The following RANBP2 variants were observed in gnomAD, a reference collection of about 807,000 sequenced individuals.
The protein encoded by RANBP2 is RAN binding protein 2, also known as E3 SUMO-protein ligase RanBP2.
Under a neutral mutation model 303.6 loss-of-function variants are expected in RANBP2, and 57 were observed. The observed-to-expected ratio is 0.19, with a 90% CI of 0.15 to 0.23. The LOEUF is 0.23. RANBP2 is among the 10% of genes least tolerant of loss of function. The pLI, the probability that RANBP2 is intolerant of heterozygous loss-of-function variation, is 1.00. For synonymous variants in RANBP2, 1,167 were observed against 1,301.5 expected, an observed-to-expected ratio of 0.90 and a Z score of 2.23; for missense variants, 3,138 against 3,780.8, an observed-to-expected ratio of 0.83 and a Z score of 4.46.
chr2:109,170,547 T>C, the RANBP2 span, among the ~76,000 whole-genome samples: 1 of 152,068 alleles, frequency 6.6e-6, no homozygotes, highest in Non-Finnish European at 1.5e-5. Flanking sequence ...GGTTTCACTA[T>C]GTTGGCCAGG....
chr2:108,787,384 A>G (rs1251332192), downstream of RANBP2, among the ~76,000 whole-genome samples: 3 of 152,070 alleles, frequency 2.0e-5, no homozygotes, highest in African/African-American at 7.2e-5. Flanking sequence ...CTACAAACGC[A>G]TTTTTTCCCT....
chr2:109,613,636 G>C, the RANBP2 span: 1 of 423,506 alleles, frequency 2.4e-6, no homozygotes, highest in African/African-American at 2.1e-5. Flanking sequence ...CCCGCCCCAG[G>C]CGCCCGGCCG....
chr2:109,242,627 C>T, the RANBP2 span, among the ~76,000 whole-genome samples: 1 of 152,214 alleles, frequency 6.6e-6, no homozygotes, highest in African/African-American at 2.4e-5. Flanking sequence ...CCTTACTGGG[C>T]TGTGCCTACC....
chr2:109,620,396 G>A, the RANBP2 span, among the ~76,000 whole-genome samples: 1 of 152,168 alleles, frequency 6.6e-6, no homozygotes, highest in African/African-American at 2.4e-5. Context: ...ATTTTCAAGA[G>A]TAAATTTGAT....
chr2:109,090,530 C>G, the RANBP2 span, among the ~76,000 whole-genome samples: 1 of 152,062 alleles, frequency 6.6e-6, no homozygotes, highest in African/African-American at 2.4e-5. Flanking sequence ...GCATCGAGAC[C>G]CTAGGAGACT....
chr2:109,436,436 C>T, the RANBP2 span, among the ~76,000 whole-genome samples: 2 of 152,210 alleles, frequency 1.3e-5, no homozygotes, highest in Admixed American at 6.5e-5. Flanking sequence ...TGTGTGTGCC[C>T]TTTCCCAGCA....
At chr2:109,486,856 G>C in the RANBP2 span, among the ~76,000 whole-genome samples, 1 of 152,204 alleles carries the variant, frequency 6.6e-6, no homozygotes, top group Admixed American at 6.5e-5. Context: ...CACCTTTCTC[G>C]GCAGATCTGT....
chr2:109,612,878 C>G, the RANBP2 span, among the ~76,000 whole-genome samples: 2 of 152,150 alleles, frequency 1.3e-5, no homozygotes, highest in African/African-American at 4.8e-5. Flanking sequence ...TCACTTTGGA[C>G]GGATCCTCTA....
chr2:109,122,506 GA>G, the RANBP2 span, among the ~76,000 whole-genome samples: 4 of 152,186 alleles, frequency 2.6e-5, no homozygotes, highest in African/African-American at 9.7e-5. Flanking sequence ...GGGTAGCAGG[GA>G]TAAGAGAATT....
chr2:108,738,579 G>A (rs1382328481), intron 6 of RANBP2, among the ~76,000 whole-genome samples: 1 of 150,904 alleles, frequency 6.6e-6, no homozygotes, highest in African/African-American at 2.4e-5. Flanking sequence ...AACAAAAAAT[G>A]TAATCCATTA....
chr2:109,644,816 C>T, the RANBP2 span, among the ~76,000 whole-genome samples: 1 of 152,198 alleles, frequency 6.6e-6, no homozygotes, highest in Non-Finnish European at 1.5e-5. Context: ...CCTGCCTCCC[C>T]CCGGCTGCTT....
the RANBP2 span, among the ~76,000 whole-genome samples, chr2:109,676,730 C>G: frequency 5.3e-5 from 8 of 152,306 alleles, no homozygotes; most frequent in East Asian, 1.2e-3. Context: ...TGCCAGATAG[C>G]ACAGTGTGAA....
the RANBP2 span, among the ~76,000 whole-genome samples, chr2:109,435,917 C>T: frequency 6.6e-6 from 1 of 152,172 alleles, no homozygotes; most frequent in Non-Finnish European, 1.5e-5. Flanking sequence ...AAGGAGGACA[C>T]CACCCAGGGT....
At chr2:109,069,799 A>T in the RANBP2 span, among the ~76,000 whole-genome samples, 1 of 152,094 alleles carries the variant, frequency 6.6e-6, no homozygotes, top group Non-Finnish European at 1.5e-5. Context: ...CATTTAGTCT[A>T]TTCCTTCAAC....
chr2:108,880,485 G>C, the RANBP2 span, among the ~76,000 whole-genome samples: 1 of 152,170 alleles, frequency 6.6e-6, no homozygotes, highest in Non-Finnish European at 1.5e-5. Flanking sequence ...TTCATAGCTA[G>C]AGAGGAGCCA....
At chr2:109,025,798 GAAAAAAAAAAA>G in the RANBP2 span, among the ~76,000 whole-genome samples, 1,015 of 104,518 alleles carry the variant, frequency 9.7e-3, 27 homozygotes, top group East Asian at 0.1. Context: ...ACTCCGTCTC[GAAAAAAAAAAA>G]AAAAGAAAAA....
chr2:109,563,264 T>C, the RANBP2 span, among the ~76,000 whole-genome samples: 4 of 152,136 alleles, frequency 2.6e-5, no homozygotes, highest in South Asian at 4.1e-4. Flanking sequence ...AAAACATTAA[T>C]TAACTCCATA....
the RANBP2 span, among the ~76,000 whole-genome samples, chr2:109,438,963 T>C: frequency 3.9e-5 from 6 of 152,174 alleles, no homozygotes; most frequent in African/African-American, 1.4e-4. Flanking sequence ...AAAGGGTGAG[T>C]GGCCCCACTC....
At chr2:109,394,946 C>T in the RANBP2 span, among the ~76,000 whole-genome samples, 34 of 152,366 alleles carry the variant, frequency 2.2e-4, no homozygotes, top group African/African-American at 8.2e-4. Flanking sequence ...CACTGGCAGG[C>T]GAGGGCATCC....
Sources: gnomAD v4.1 joint callset for allele counts (sites outside exome capture counted in the v4.1 genomes callset) on GRCh38, gnomAD v4.1.1 for gene constraint, MANE v1.5 for transcripts, NCBI Gene and HGNC (gene_info 2026-07-23, HGNC 2026-07-21) for gene names.